Variants in PTPN13 observed in about 807,000 individuals in gnomAD.
The protein encoded by PTPN13 is tyrosine-protein phosphatase non-receptor type 13.
In PTPN13, 191 loss-of-function variants were observed where a neutral mutation model predicts 284.0. That is an observed-to-expected ratio of 0.67 (90% confidence interval 0.60 to 0.76). The LOEUF (loss-of-function observed/expected upper bound fraction) is 0.76, where lower values mean the gene tolerates loss of function less well. Ranked by LOEUF, PTPN13 falls within the 30% of genes least tolerant of loss-of-function variation. PTPN13 has a pLI of 0.00. For missense variants in PTPN13, 2,797 were observed against 2,939.9 expected, an observed-to-expected ratio of 0.95 and a Z score of 1.12; for synonymous variants, 986 against 1,022.3, an observed-to-expected ratio of 0.96 and a Z score of 0.68.
intron 1 of PTPN13, among the ~76,000 whole-genome samples, chr4:86,610,865 A>T (rs1015845756): frequency 6.6e-6 from 1 of 152,174 alleles, no homozygotes; most frequent in Non-Finnish European, 1.5e-5. Context: ...ATTAAGAGAT[A>T]ATGGTATTAA....
At chr4:86,692,121 A>C (rs1207094045) in intron 5 of PTPN13, among the ~76,000 whole-genome samples, 1 of 152,168 alleles carries the variant, frequency 6.6e-6, no homozygotes, top group Non-Finnish European at 1.5e-5. Flanking sequence ...AATATTGTCT[A>C]CCATATGAGG....
intron 23 of PTPN13, 145 bp from the exon 24 acceptor site, chr4:86,762,582 G>T: frequency 1.6e-6 from 1 of 644,816 alleles, no homozygotes; most frequent in Non-Finnish European, 2.6e-6. Flanking sequence ...AGAAAGCAAA[G>T]AAAGTCTACC....
chr4:86,655,936 A>C (rs1322448024), intron 2 of PTPN13, among the ~76,000 whole-genome samples: 3 of 151,974 alleles, frequency 2.0e-5, no homozygotes, highest in Non-Finnish European at 2.9e-5. Flanking sequence ...AGGCTTTGTT[A>C]GTTTCTTTTT....
intron 20 of PTPN13, among the ~76,000 whole-genome samples, chr4:86,756,778 A>G (rs1480405277): frequency 6.6e-6 from 1 of 152,148 alleles, no homozygotes; most frequent in Non-Finnish European, 1.5e-5. Flanking sequence ...TATTAATGCA[A>G]TTTTAAGTCC....
intron 1 of PTPN13, among the ~76,000 whole-genome samples, chr4:86,620,998 C>T (rs1482771872): frequency 3.3e-5 from 5 of 152,168 alleles, no homozygotes; most frequent in South Asian, 4.1e-4. Context: ...AGAAGCACTC[C>T]GTTTCTCCCT....
Position 86,701,770 on chromosome 4 carries a change from T to C in PTPN13, c.1164T>C (p.Leu388=). Residue 388 remains leucine, a synonymous_variant, in exon 7 of 48, where the codon CTT becomes CTC. Transcript: ENST00000411767. ...LDRIRERQKK[L]QVLREAMNVE... is the part of the protein sequence containing the mutation. ...GAATCCGAGAGAGACAAAAGAAACT[T>C]CAGGTTCTGAGGGAAGCCATGAATG... 1 of 1,613,118 alleles carries C rather than the reference T, an allele frequency of 6.2e-7. No individual in the cohort carries two copies. The highest frequency in any genetic ancestry group is 8.5e-7 in the Non-Finnish European group (1 of 1,179,606).
In PTPN13 at chr4:86,625,789, G is replaced by A. The variant is rs181824517; in HGVS notation, c.-5-9463G>A. Among the ~76,000 whole-genome samples, 32 of 152,264 alleles carry A rather than the reference G, an allele frequency of 2.1e-4. No homozygotes were observed. The East Asian group carries it at 2.7e-3, about 13-fold the overall frequency. On this transcript the variant is annotated intron_variant, in intron 1 of 47. Coordinates refer to ENST00000411767, the MANE Select transcript of PTPN13 (RefSeq NM_080683.3). ...CCCCACTACGTAGGCAGTTTACAACGTGAAAGGAATCTTGAGGGCAATCGC... is the reference window on the plus strand; with the variant it reads ...CCCCACTACGTAGGCAGTTTACAACATGAAAGGAATCTTGAGGGCAATCGC...
At chr4:86,622,490 A>G (rs1463430527) in intron 1 of PTPN13, among the ~76,000 whole-genome samples, 1 of 152,194 alleles carries the variant, frequency 6.6e-6, no homozygotes, top group Non-Finnish European at 1.5e-5. Context: ...ATGGGACTCT[A>G]GGTCTTAAAA....
chr4:86,630,876 C>A (rs750711068), intron 1 of PTPN13, among the ~76,000 whole-genome samples: 2 of 152,122 alleles, frequency 1.3e-5, no homozygotes, highest in Non-Finnish European at 2.9e-5. Flanking sequence ...GTGCCACAAT[C>A]CTTCAGGATT....
At chr4:86,636,270 A>G (rs1723007078) in intron 2 of PTPN13, among the ~76,000 whole-genome samples, 1 of 152,336 alleles carries the variant, frequency 6.6e-6, no homozygotes, top group East Asian at 1.9e-4. Flanking sequence ...TTCCCTGTGG[A>G]GGAGGTCACT....
chr4:86,605,391 A>G (rs1023274826), intron 1 of PTPN13, among the ~76,000 whole-genome samples: 6 of 151,974 alleles, frequency 3.9e-5, no homozygotes, highest in Non-Finnish European at 8.8e-5. Flanking sequence ...ATAGGGTCAG[A>G]ACATTTTTCC....
intron 1 of PTPN13, among the ~76,000 whole-genome samples, chr4:86,604,389 G>A (rs1233753866): frequency 6.6e-6 from 1 of 151,988 alleles, no homozygotes; most frequent in Non-Finnish European, 1.5e-5. Flanking sequence ...GTTACTGAGA[G>A]AAATAGTAAC....
At chr4:86,799,914 T>C (rs1464935187) in intron 42 of PTPN13, among the ~76,000 whole-genome samples, 1 of 141,442 alleles carries the variant, frequency 7.1e-6, no homozygotes, top group Non-Finnish European at 1.5e-5. Context: ...CTTGGCTCAC[T>C]GCAACCTCCA....
intron 40 of PTPN13, among the ~76,000 whole-genome samples, chr4:86,791,219 G>T (rs1578681827): frequency 2.0e-5 from 3 of 152,198 alleles, no homozygotes; most frequent in South Asian, 2.1e-4. Context: ...CGGGTCCCAA[G>T]CCCACGGAGC....
chr4:86,635,330 T>A lies in PTPN13; in HGVS notation c.74T>A (p.Leu25Ter). Reference protein sequence around the residue: ...PLQEEEIWAVLNQSAESLQEL... With the variant: ...PLQEEEIWAV ...CAGGAGGAAGAAATATGGGCTGTAT[T>A]AAATCAAAGTGCTGAAAGTCTCCAA... The change falls in exon 2 of 48, where the codon TTA becomes TAA. Residue 25 changes from leucine (L) to a stop codon, truncating the protein, a stop_gained. Transcript: ENST00000411767. LOFTEE classifies it high-confidence loss of function. 1 of 1,606,198 alleles carries A rather than the reference T, an allele frequency of 6.2e-7. No individual in the cohort carries two copies. Among genetic ancestry groups the A allele is most frequent in the Non-Finnish European group, 8.5e-7 (1 of 1,176,574 alleles).
intron 2 of PTPN13, among the ~76,000 whole-genome samples, chr4:86,636,354 A>G (rs1362340857): frequency 6.6e-6 from 1 of 152,108 alleles, no homozygotes; most frequent in Non-Finnish European, 1.5e-5. Context: ...AAAACATTTG[A>G]TATCATGCCA....
chr4:86,614,870 G>A (rs2148636810), intron 1 of PTPN13, among the ~76,000 whole-genome samples: 1 of 152,046 alleles, frequency 6.6e-6, no homozygotes, highest in South Asian at 2.1e-4. Flanking sequence ...CTTGGTTTTT[G>A]AATTAAGAAA....
chr4:86,714,238 A>C (rs1055190459), intron 7 of PTPN13, among the ~76,000 whole-genome samples: 1 of 152,172 alleles, frequency 6.6e-6, no homozygotes, highest in African/African-American at 2.4e-5. Context: ...AGCCTTAGCC[A>C]AACAGGCTCC....
intron 25 of PTPN13, 100 bp downstream of exon 25, chr4:86,764,824 C>A: frequency 7.6e-7 from 1 of 1,316,272 alleles, no homozygotes; most frequent in Non-Finnish European, 1.0e-6. Flanking sequence ...TCAAAAGGGA[C>A]ACATCAAATA....
Sources: gnomAD v4.1 joint callset for allele counts (sites outside exome capture counted in the v4.1 genomes callset) on GRCh38, gnomAD v4.1.1 for gene constraint, MANE v1.5 for transcripts, NCBI Gene and HGNC (gene_info 2026-07-23, HGNC 2026-07-21) for gene names.